CABIN1: variants seen among roughly 807,000 people sequenced by gnomAD.
CABIN1 encodes the protein calcineurin binding protein 1.
In CABIN1, 133 loss-of-function variants were observed where a neutral mutation model predicts 227.7. The ratio of observed to expected loss-of-function variants is 0.58; its 90% CI spans 0.51 to 0.67. The LOEUF (loss-of-function observed/expected upper bound fraction) is 0.67, where lower values mean the gene tolerates loss of function less well. CABIN1 is among the 30% of genes least tolerant of loss of function. The pLI is 0.00. For missense variants in CABIN1, 2,408 were observed against 2,852.5 expected, an observed-to-expected ratio of 0.84 and a Z score of 3.55; for synonymous variants, 1,086 against 1,155.1, an observed-to-expected ratio of 0.94 and a Z score of 1.21.
intron 3 of CABIN1, among the ~76,000 whole-genome samples, chr22:24,037,398 G>A (rs147293036): frequency 1.3e-5 from 2 of 151,966 alleles, no homozygotes; most frequent in African/African-American, 4.8e-5. Flanking sequence ...TAACTCCTGG[G>A]CTCAAGCAGT....
chr22:24,022,209 C>T (rs2146597597), intron 1 of CABIN1, among the ~76,000 whole-genome samples: 1 of 151,790 alleles, frequency 6.6e-6, no homozygotes, highest in East Asian at 1.9e-4. Context: ...GACTTGTTAC[C>T]ACCACCATCA....
intron 31 of CABIN1, 84 bp downstream of exon 31, chr22:24,165,710 T>C (rs2046406477): frequency 1.8e-6 from 2 of 1,098,142 alleles, no homozygotes; most frequent in Admixed American, 2.0e-5. Context: ...GATCCCTCTA[T>C]TTGCATACCC....
chr22:24,160,479 T>G (rs1034679901), intron 29 of CABIN1: 1 of 152,298 alleles, frequency 6.6e-6, no homozygotes, highest in Non-Finnish European at 1.5e-5. Flanking sequence ...CCTTGGGCTG[T>G]GCCACTAAAA....
chr22:24,169,072 G>A (rs918844954), intron 33 of CABIN1, among the ~76,000 whole-genome samples: 1 of 151,320 alleles, frequency 6.6e-6, no homozygotes, highest in Non-Finnish European at 1.5e-5. Context: ...GGGCTGGGGA[G>A]GGGGGGGCGG....
chr22:24,143,949 T>C (rs1161461148), intron 29 of CABIN1, among the ~76,000 whole-genome samples: 5 of 152,200 alleles, frequency 3.3e-5, no homozygotes, highest in Admixed American at 2.0e-4. Context: ...CCCCAACTGG[T>C]TGGCTGCTCT....
intron 29 of CABIN1, among the ~76,000 whole-genome samples, chr22:24,144,188 C>T (rs990791598): frequency 2.0e-5 from 3 of 152,248 alleles, no homozygotes; most frequent in Admixed American, 2.0e-4. Flanking sequence ...CCTGCACTCT[C>T]AGCCACTATG....
Position 24,070,808 on chromosome 22 carries a change from G to T in CABIN1, c.2241G>T (p.Leu747Phe), listed in dbSNP as rs1341416983. The T allele has an allele frequency of 2.5e-6, 4 of 1,614,098 alleles. No homozygotes were observed. In the African/African-American group the frequency reaches 5.3e-5, roughly 22 times the overall value. The change falls in exon 17 of 37, where the codon TTG (leucine) becomes TTT (phenylalanine). Residue 747 changes from leucine (L) to phenylalanine (F), a missense_variant. This residue lies in a region of CABIN1 where 1,045 missense variants were observed against 1,168.4 expected (regional missense o/e 0.89). Transcript: ENST00000263119. ...PAQLLLLQDS[L>F]LRLKDYRQCF... ...GCTTCTTGCTGTACTAGGACTCCTT[G>T]CTCCGGCTGAAGGACTATCGGCAGT...
intron 29 of CABIN1, 96 bp from the exon 30 acceptor site, chr22:24,164,304 G>T: frequency 6.7e-7 from 1 of 1,492,648 alleles, no homozygotes; most frequent in Non-Finnish European, 9.2e-7. Context: ...TGTCCCCTTT[G>T]GCACTGTGGC....
Position 24,162,190 on chromosome 22 carries a change from T to C in CABIN1, c.4747-2210T>C, listed in dbSNP as rs566613953. The C allele has an allele frequency of 4.6e-5, 7 of 152,308 alleles. No individual in the cohort carries two copies. In the East Asian group the frequency reaches 5.8e-4, roughly 13 times the overall value. 9.4% of individuals were successfully genotyped at this position (152,308 alleles called of 1,614,324 possible). A position where few individuals can be genotyped will look rare whatever the true frequency, so the allele number is the denominator to read the frequency against. ...TCTCTGGAGGCCAGCCTCATGGCCA[T>C]AGGAAGTCCCCTCACCGTTCGGGAG... On this transcript the variant is annotated intron_variant, in intron 29 of 36. Coordinates refer to ENST00000263119, the MANE Select transcript of CABIN1 (RefSeq NM_012295.4).
At position 24,178,099 on chromosome 22, in the gene CABIN1, G is replaced by A. The variant is rs770087118; in HGVS notation, c.6566G>A (p.Ser2189Asn). The A allele has an allele frequency of 1.3e-5, 21 of 1,613,500 alleles. No homozygotes were observed. The highest frequency in any genetic ancestry group is 1.7e-5 in the Non-Finnish European group (20 of 1,179,802). The change falls in exon 37 of 37, where the codon AGC becomes AAC. Residue 2189 changes from serine (S) to asparagine (N), a missense_variant. Around this residue, in one of 3 missense-constraint regions of CABIN1, gnomAD observed 714 missense variants for 773.8 expected, o/e 0.92. Transcript: ENST00000263119. ...TCTGCTGCCAACGTGAGGAAGGAGA[G>A]CCTATGCCAGCCAGCCCTGGAGGTC... ...AQSAANVRKE[S>N]LCQPALEVLE...
At chr22:24,147,761 A>G (rs573114843) in intron 29 of CABIN1, among the ~76,000 whole-genome samples, 1 of 152,170 alleles carries the variant, frequency 6.6e-6, no homozygotes, top group East Asian at 1.9e-4. Context: ...CATCTTTCTC[A>G]GGCCTGTGTG....
At chr22:24,170,935 C>T (rs1395271805) in intron 33 of CABIN1, among the ~76,000 whole-genome samples, 2 of 152,146 alleles carry the variant, frequency 1.3e-5, no homozygotes, top group Non-Finnish European at 2.9e-5. Context: ...TGAGAGGCTG[C>T]CTCAGGGCTG....
At position 24,158,198 on chromosome 22, in the gene CABIN1, C is replaced by T. The variant is rs2267069; in HGVS notation, c.4747-6202C>T. Among the ~76,000 whole-genome samples the T allele has an allele frequency of 6.7e-3, 1,024 of 152,270 alleles. 59 individuals carry two copies. In the East Asian group the frequency reaches 0.13, roughly 20 times the overall value. ...GAAGCCTTGCCCACCCATCTTACCACGGGCATACAGGGCTGGCTTGGGGCT... is the reference window on the plus strand; with the variant it reads ...GAAGCCTTGCCCACCCATCTTACCATGGGCATACAGGGCTGGCTTGGGGCT... On this transcript the variant is annotated intron_variant, in intron 29 of 36. Coordinates refer to ENST00000263119, the MANE Select transcript of CABIN1 (RefSeq NM_012295.4).
Position 24,165,635 on chromosome 22 carries a change from C to A in CABIN1, c.5007+9C>A. Reference sequence around the variant, plus strand: ...TGAGCGAGCTCGCAGAGGTATGCCACCTGTGTCCTCCTCTCCTCCACGGCC... The same window carrying A: ...TGAGCGAGCTCGCAGAGGTATGCCAACTGTGTCCTCCTCTCCTCCACGGCC... On this transcript the variant is annotated intron_variant, in intron 31 of 36. Coordinates refer to ENST00000263119, the MANE Select transcript of CABIN1 (RefSeq NM_012295.4). 2 of 1,607,520 alleles carry A rather than the reference C, an allele frequency of 1.2e-6. No individual in the cohort carries two copies. Among genetic ancestry groups the A allele is most frequent in the Non-Finnish European group, 8.5e-7 (1 of 1,176,298 alleles).
intron 23 of CABIN1, among the ~76,000 whole-genome samples, chr22:24,089,326 T>A (rs1005244227): frequency 6.6e-6 from 1 of 152,252 alleles, no homozygotes; most frequent in African/African-American, 2.4e-5. Context: ...AGTTTCCACA[T>A]ACTTTTTCCC....
At chr22:24,028,345 T>C (rs762675694) in intron 1 of CABIN1, among the ~76,000 whole-genome samples, 1 of 152,184 alleles carries the variant, frequency 6.6e-6, no homozygotes, top group Non-Finnish European at 1.5e-5. Context: ...CGGGGACTGT[T>C]AAAGTCCTAT....
At position 24,041,181 on chromosome 22, in the gene CABIN1, G is replaced by T; in HGVS notation, c.253G>T (p.Gly85Trp). Residue 85 changes from glycine to tryptophan, a missense_variant, in exon 5 of 37, where the codon GGG becomes TGG. Transcript: ENST00000263119. ...GDEKEGLKHP[G>W]LILKYSTYKN... The stretch of plus-strand genomic sequence containing the variant: ...TGAGAAAGAGGGGTTGAAACACCCT[G>T]GGCTGATACTGAAATATTCCACTTA... 1 of 1,614,192 alleles carries T rather than the reference G, an allele frequency of 6.2e-7. No homozygotes were observed. Among genetic ancestry groups the T allele is most frequent in the Non-Finnish European group, 8.5e-7 (1 of 1,180,026 alleles).
At chr22:24,176,647 G>A (rs886926597) in intron 35 of CABIN1, among the ~76,000 whole-genome samples, 3 of 152,168 alleles carry the variant, frequency 2.0e-5, no homozygotes, top group Non-Finnish European at 4.4e-5. Flanking sequence ...GCATGGGCCT[G>A]GTGACAGACA....
At chr22:24,152,847 G>A (rs1415932885) in intron 29 of CABIN1, among the ~76,000 whole-genome samples, 3 of 152,108 alleles carry the variant, frequency 2.0e-5, no homozygotes, top group African/African-American at 4.8e-5. Flanking sequence ...CAACTTGGGC[G>A]GCTGAGGCAG....
Sources: gnomAD v4.1 joint callset for allele counts (sites outside exome capture counted in the v4.1 genomes callset) on GRCh38, gnomAD v4.1.1 for gene constraint, gnomAD v4.1.1 regional missense constraint, MANE v1.5 for transcripts, NCBI Gene and HGNC (gene_info 2026-07-23, HGNC 2026-07-21) for gene names.